Variants in GMPR observed in about 807,000 individuals in gnomAD.
GMPR encodes the protein guanosine monophosphate reductase.
A neutral mutation model predicts 38.4 loss-of-function variants in GMPR; 31 were observed. The ratio of observed to expected loss-of-function variants is 0.81; its 90% CI spans 0.61 to 1.09. The LOEUF (loss-of-function observed/expected upper bound fraction) is 1.09. Ranked by LOEUF, GMPR falls within the 50% of genes least tolerant of loss-of-function variation. The pLI, the probability that GMPR is intolerant of heterozygous loss-of-function variation, is 0.00. For synonymous variants in GMPR, 162 were observed against 173.3 expected, an observed-to-expected ratio of 0.93 and a Z score of 0.51; for missense variants, 468 against 453.7, an observed-to-expected ratio of 1.03 and a Z score of -0.29.
At chr6:16,268,564 G>A (rs1173860115) in intron 4 of GMPR, among the ~76,000 whole-genome samples, 1 of 152,208 alleles carries the variant, frequency 6.6e-6, no homozygotes, top group Admixed American at 6.5e-5. Context: ...ACAGGCGTGA[G>A]CCACCGCGCC....
At chr6:16,260,039 G>A (rs1759051058) in intron 4 of GMPR, among the ~76,000 whole-genome samples, 1 of 151,982 alleles carries the variant, frequency 6.6e-6, no homozygotes, top group Admixed American at 6.6e-5. Context: ...TGTCTGGAAT[G>A]AGACTGGGGC....
intron 1 of GMPR, among the ~76,000 whole-genome samples, chr6:16,242,263 G>C (rs949187611): frequency 6.6e-6 from 1 of 152,030 alleles, no homozygotes; most frequent in South Asian, 2.1e-4. Flanking sequence ...GCCTGAGGGG[G>C]ATGAGAACAT....
At chr6:16,256,298 GA>G (rs2113676176) in intron 4 of GMPR, among the ~76,000 whole-genome samples, 1 of 149,796 alleles carries the variant, frequency 6.7e-6, no homozygotes, top group African/African-American at 2.5e-5. Context: ...GGTGGATCAT[GA>G]GGTCAAGAGT....
chr6:16,243,121 G>C (rs117707322), intron 1 of GMPR, among the ~76,000 whole-genome samples: 1 of 152,236 alleles, frequency 6.6e-6, no homozygotes, highest in East Asian at 1.9e-4. Context: ...TGTAAATTTT[G>C]GTTTGGAAAA....
chr6:16,281,521 T>G (rs1473722495), intron 6 of GMPR, among the ~76,000 whole-genome samples: 1 of 152,206 alleles, frequency 6.6e-6, no homozygotes, highest in Non-Finnish European at 1.5e-5. Context: ...TTTTTATTTT[T>G]TTGAGATGGA....
intron 3 of GMPR, 78 bp downstream of exon 3, chr6:16,250,445 G>T: frequency 1.2e-6 from 1 of 837,548 alleles, no homozygotes; most frequent in South Asian, 1.3e-5. Context: ...GAGGATTTCA[G>T]TCAGTAGCAG....
chr6:16,266,823 T>C (rs1414119816), intron 4 of GMPR, among the ~76,000 whole-genome samples: 1 of 151,666 alleles, frequency 6.6e-6, no homozygotes, highest in African/African-American at 2.4e-5. Flanking sequence ...GCTGTAACAC[T>C]CACTGTGAAG....
At chr6:16,251,988 T>G (rs1015085243) in intron 3 of GMPR, among the ~76,000 whole-genome samples, 2 of 152,224 alleles carry the variant, frequency 1.3e-5, no homozygotes, top group African/African-American at 4.8e-5. Flanking sequence ...AGATCATTTA[T>G]GATTGGAAAA....
intron 3 of GMPR, 116 bp downstream of exon 3, chr6:16,250,483 T>C (rs574217945): frequency 1.4e-6 from 1 of 719,130 alleles, no homozygotes; most frequent in South Asian, 1.5e-5. Context: ...GGTGTTTCTC[T>C]AGCCCTGTGC....
intron 6 of GMPR, among the ~76,000 whole-genome samples, chr6:16,284,393 C>T (rs1013499599): frequency 6.6e-6 from 1 of 152,240 alleles, no homozygotes; most frequent in African/African-American, 2.4e-5. Context: ...GGTGTGTGCA[C>T]TTTCCTGCAG....
chr6:16,250,390 A>T, intron 3 of GMPR, 23 bp downstream of exon 3: 1 of 1,373,402 alleles, frequency 7.3e-7, no homozygotes, highest in Non-Finnish European at 1.0e-6. Flanking sequence ...CCTGGTTATC[A>T]ATTACCAGTG....
At chr6:16,266,825 ACT>A (rs1759252254) in intron 4 of GMPR, among the ~76,000 whole-genome samples, 1 of 151,810 alleles carries the variant, frequency 6.6e-6, no homozygotes, top group African/African-American at 2.4e-5. Flanking sequence ...TGTAACACTC[ACT>A]GTGAAGGTCG....
intron 7 of GMPR, among the ~76,000 whole-genome samples, chr6:16,288,506 G>A (rs530844127): frequency 4.5e-4 from 68 of 152,338 alleles, no homozygotes; most frequent in African/African-American, 1.5e-3. Context: ...GCAGGGCTCG[G>A]GACCTGCCGC....
In GMPR at chr6:16,238,642, C is replaced by A; in HGVS notation, c.-52C>A. On this transcript the variant is annotated 5_prime_UTR_variant, in exon 1 of 9. Coordinates refer to ENST00000259727, the MANE Select transcript of GMPR (RefSeq NM_006877.4). ...CCGGCGCTCCCCGCGCCGCCCCGCG[C>A]AGGCGCCCCCGCCCCGCCGTCGCCG... is the stretch of plus-strand genomic sequence containing the variant. 2 of 811,868 alleles carry A rather than the reference C, an allele frequency of 2.5e-6. No homozygotes were observed. Among genetic ancestry groups the A allele is most frequent in the Non-Finnish European group, 3.2e-6 (2 of 633,982 alleles). 50.3% of individuals were successfully genotyped at this position (811,868 alleles called of 1,614,324 possible).
intron 4 of GMPR, 141 bp downstream of exon 4, chr6:16,254,876 G>A: frequency 1.6e-6 from 1 of 608,996 alleles, no homozygotes; most frequent in Non-Finnish European, 2.9e-6. Flanking sequence ...GATCATTTGG[G>A]AAAGGATAGG....
intron 4 of GMPR, among the ~76,000 whole-genome samples, chr6:16,264,169 CG>C (rs1398684296): frequency 6.6e-6 from 1 of 151,930 alleles, no homozygotes; most frequent in East Asian, 1.9e-4. Context: ...CTGTGACCGG[CG>C]CCGGAGTTTT....
intron 6 of GMPR, among the ~76,000 whole-genome samples, chr6:16,284,400 G>A (rs561496860): frequency 1.8e-4 from 28 of 152,208 alleles, no homozygotes; most frequent in Non-Finnish European, 2.8e-4. Context: ...GCACTTTCCT[G>A]CAGGTTGTAA....
intron 4 of GMPR, among the ~76,000 whole-genome samples, chr6:16,260,485 G>A (rs1221036082): frequency 6.6e-6 from 1 of 152,006 alleles, no homozygotes; most frequent in Non-Finnish European, 1.5e-5. Flanking sequence ...CTGACTCGGG[G>A]CATGTCGAGT....
intron 4 of GMPR, among the ~76,000 whole-genome samples, chr6:16,271,408 C>A (rs1040830655): frequency 2.0e-5 from 3 of 152,188 alleles, no homozygotes; most frequent in African/African-American, 7.2e-5. Flanking sequence ...ATCGCTTGAG[C>A]CTGGGAAGTT....
Sources: gnomAD v4.1 joint callset for allele counts (sites outside exome capture counted in the v4.1 genomes callset) on GRCh38, gnomAD v4.1.1 for gene constraint, MANE v1.5 for transcripts, NCBI Gene and HGNC (gene_info 2026-07-23, HGNC 2026-07-21) for gene names.